Variants in PDZD2 observed in about 807,000 individuals in gnomAD.
The protein encoded by PDZD2 is PDZ domain containing 2.
PDZD2 carries 90 observed loss-of-function variants against 220.7 expected under a neutral mutation model. The ratio of observed to expected loss-of-function variants is 0.41; its 90% CI spans 0.34 to 0.49. PDZD2 has a LOEUF of 0.49. Ranked by LOEUF, PDZD2 falls within the 20% of genes least tolerant of loss-of-function variation. PDZD2 has a pLI of 0.28. For synonymous variants in PDZD2, 1,375 were observed against 1,450.5 expected, an observed-to-expected ratio of 0.95 and a Z score of 1.18; for missense variants, 3,174 against 3,608.5, an observed-to-expected ratio of 0.88 and a Z score of 3.08.
chr5:32,028,900 C>T (rs1754907840), intron 6 of PDZD2, among the ~76,000 whole-genome samples: 1 of 152,104 alleles, frequency 6.6e-6, no homozygotes, highest in South Asian at 2.1e-4. Flanking sequence ...CCAGGCTGGT[C>T]TGGAACTCCT....
At chr5:32,084,944 T>C (rs1272337694) in intron 19 of PDZD2, among the ~76,000 whole-genome samples, 5 of 145,676 alleles carry the variant, frequency 3.4e-5, no homozygotes, top group Non-Finnish European at 6.0e-5. Flanking sequence ...TTTCATTCTG[T>C]TGCCTTTTTT....
chr5:31,807,400 T>G (rs1359237117), intron 2 of PDZD2, among the ~76,000 whole-genome samples: 1 of 152,180 alleles, frequency 6.6e-6, no homozygotes, highest in Non-Finnish European at 1.5e-5. Flanking sequence ...GTTGAGTGGA[T>G]GACAGATGAT....
intron 4 of PDZD2, 41 bp downstream of exon 4, chr5:31,995,759 C>G: frequency 6.5e-7 from 1 of 1,537,682 alleles, no homozygotes; most frequent in Non-Finnish European, 8.9e-7. Flanking sequence ...CCCTCTGCCT[C>G]CTCTCCTTCC....
At chr5:31,968,584 C>T (rs992828019) in intron 2 of PDZD2, among the ~76,000 whole-genome samples, 2 of 151,516 alleles carry the variant, frequency 1.3e-5, no homozygotes, top group African/African-American at 2.4e-5. Flanking sequence ...ACCCAGGAGG[C>T]GGGGAGGTTG....
chr5:32,100,687 G>A lies in PDZD2; in HGVS notation c.8219-418G>A, dbSNP rs908374625. 46 of 379,200 alleles carry A rather than the reference G, an allele frequency of 1.2e-4. 1 individual carries two copies. In the East Asian group the frequency reaches 3.1e-3, roughly 26 times the overall value. 23.5% of individuals were successfully genotyped at this position (379,200 alleles called of 1,614,324 possible). A position where few individuals can be genotyped will look rare whatever the true frequency, so the allele number is the denominator to read the frequency against. ...GTGCTGCCAAGTCTTGGTACCAGAG[G>A]ATGATCTGCTGCTGCCATTAGCAGC... is the stretch of plus-strand genomic sequence containing the variant. On this transcript the variant is annotated intron_variant, in intron 23 of 24. Coordinates refer to ENST00000438447, the MANE Select transcript of PDZD2 (RefSeq NM_178140.4).
At position 32,087,015 on chromosome 5, in the gene PDZD2, G is replaced by C; in HGVS notation, c.3683-116G>C. The C allele has an allele frequency of 1.5e-6, 1 of 667,294 alleles. No homozygotes were observed. The highest frequency in any genetic ancestry group is 2.6e-5 in the East Asian group (1 of 38,106). 41.3% of individuals were successfully genotyped at this position (667,294 alleles called of 1,614,324 possible). ...TCTGAAAAAGAAAAAAATATTTGAG[G>C]TTGTTTATAATTTTCTAGTTTTTAA... On this transcript the variant is annotated intron_variant, in intron 19 of 24. Coordinates refer to ENST00000438447, the MANE Select transcript of PDZD2 (RefSeq NM_178140.4). The surrounding 1 kb of genome is among the most constrained non-coding windows in gnomAD (Gnocchi z 4.0).
At chr5:31,896,140 C>G (rs1413229552) in intron 2 of PDZD2, among the ~76,000 whole-genome samples, 1 of 152,062 alleles carries the variant, frequency 6.6e-6, no homozygotes, top group Non-Finnish European at 1.5e-5. Context: ...GTGACCCTCT[C>G]TGACACCTCC....
intron 2 of PDZD2, among the ~76,000 whole-genome samples, chr5:31,938,578 C>T (rs1713580640): frequency 6.6e-6 from 1 of 151,830 alleles, no homozygotes; most frequent in South Asian, 2.1e-4. Flanking sequence ...GTAATTCACA[C>T]AAGTCATTCA....
rs1743964195 is a variant in PDZD2 at position 32,098,656 on chromosome 5, C to A, written c.8218+22C>A. On this transcript the variant is annotated intron_variant, in intron 23 of 24. Transcript: ENST00000438447. This position sits in a 1 kb window ranked among gnomAD's most constrained non-coding sequence, Gnocchi z 4.1. ...ATTGGTAAGATGATCATTTCAACAA[C>A]CAGCAGGCTGTGAGCTACTGCAGAA... 1 of 1,600,968 alleles carries A rather than the reference C, an allele frequency of 6.2e-7. No homozygotes were observed. The highest frequency in any genetic ancestry group is 1.3e-5 in the African/African-American group (1 of 74,696).
intron 21 of PDZD2, among the ~76,000 whole-genome samples, chr5:32,096,747 T>G (rs1033007683): frequency 6.6e-6 from 1 of 152,122 alleles, no homozygotes; most frequent in African/African-American, 2.4e-5. Flanking sequence ...TTTCTGCTGT[T>G]GCTAGGACTG....
chr5:32,047,773 A>G (rs190155167), intron 7 of PDZD2, among the ~76,000 whole-genome samples: 48 of 152,360 alleles, frequency 3.2e-4, no homozygotes, highest in Admixed American at 2.6e-3. Flanking sequence ...GTGTTTAGAC[A>G]ACGGAATAGC....
chr5:31,644,537 T>G lies in PDZD2; in HGVS notation c.-361+5100T>G, dbSNP rs115000548. Among the ~76,000 whole-genome samples the G allele has an allele frequency of 2.1e-3, 326 of 152,304 alleles. 2 individuals are homozygous for G. The highest frequency in any genetic ancestry group is 7.5e-3 in the African/African-American group (312 of 41,566). ...GGCGGCTGAGCCGAGAGATGGTTTG[T>G]TAAGACACTAAGCATGCGGAGAAGA... On this transcript the variant is annotated intron_variant, in intron 1 of 24. Coordinates refer to ENST00000438447, the MANE Select transcript of PDZD2 (RefSeq NM_178140.4).
At chr5:31,794,393 CTTTTTTTTT>C (rs34331530) in intron 1 of PDZD2, among the ~76,000 whole-genome samples, 1 of 105,288 alleles carries the variant, frequency 9.5e-6, no homozygotes. Context: ...TTCTTTCTTT[CTTTTTTTTT>C]TTTTTTTTTT....
intron 2 of PDZD2, among the ~76,000 whole-genome samples, chr5:31,897,720 G>T (rs1741696825): frequency 6.8e-6 from 1 of 146,240 alleles, no homozygotes; most frequent in Admixed American, 7.1e-5. Flanking sequence ...ATGATATAAG[G>T]TCTCATTTTG....
rs1037018187 is a variant in PDZD2, at chr5:31,880,791, CTTTTTTTTTTTTT to C, written c.476+81082_476+81094del. 1.2e-4 allele frequency among the ~76,000 whole-genome samples: 9 copies of C among 76,470 alleles called. No homozygotes were observed. In the East Asian group the frequency reaches 1.4e-3, roughly 12 times the overall value. 50.2% of individuals were successfully genotyped at this position (76,470 alleles called of 152,430 possible). A position where few individuals can be genotyped will look rare whatever the true frequency, so the allele number is the denominator to read the frequency against. ...AGAAAGGTAGCTTTCTTTTTTTTTTCTTTTTTTTTTTTTTTTTTTTTTTTTTTGAGATGAAGTC... is the reference window on the plus strand; with the variant it reads ...AGAAAGGTAGCTTTCTTTTTTTTTTCTTTTTTTTTTTTTTGAGATGAAGTC... On this transcript the variant is annotated intron_variant, in intron 2 of 24. Transcript: ENST00000438447.
At chr5:31,986,245 A>T (rs543587706) in intron 3 of PDZD2, among the ~76,000 whole-genome samples, 80 of 152,206 alleles carry the variant, frequency 5.3e-4, no homozygotes, top group African/African-American at 1.9e-3. Context: ...CATTTTTTTT[A>T]AAAAGCCGCA....
In PDZD2 at chr5:31,953,389, G is replaced by A. The variant is rs543454447; in HGVS notation, c.477-29766G>A. Among the ~76,000 whole-genome samples, 3 of 152,286 alleles carry A rather than the reference G, an allele frequency of 2.0e-5. No homozygotes were observed. The South Asian group carries it at 6.2e-4, about 32-fold the overall frequency. ...ATAAAAATAGCTAAACATAAAATCT[G>A]TGAAAATATTAGAAGAAAATAGGAT... On this transcript the variant is annotated intron_variant, in intron 2 of 24. Coordinates refer to ENST00000438447, the MANE Select transcript of PDZD2 (RefSeq NM_178140.4).
At position 32,057,743 on chromosome 5, in the gene PDZD2, A is replaced by T. The variant is rs780923740; in HGVS notation, c.1974+15A>T. ...ATACCTTTAAGGTAACAACATTCTTATTGATCTCCTTTATCCTATTTTCCT... is the reference window on the plus strand; with the variant it reads ...ATACCTTTAAGGTAACAACATTCTTTTTGATCTCCTTTATCCTATTTTCCT... On this transcript the variant is annotated intron_variant, in intron 11 of 24. Transcript: ENST00000438447. 2.4e-5 allele frequency: 36 copies of T among 1,518,706 alleles called. No homozygotes were observed. The highest frequency in any genetic ancestry group is 1.7e-4 in the Middle Eastern group (1 of 5,882). The allele number at this position is 1,518,706 out of a possible 1,614,324, so 94.1% of individuals were successfully genotyped here. A position where few individuals can be genotyped will look rare whatever the true frequency, so the allele number is the denominator to read the frequency against.
chr5:31,671,741 G>A (rs983419422), intron 1 of PDZD2, among the ~76,000 whole-genome samples: 8 of 152,208 alleles, frequency 5.3e-5, no homozygotes, highest in Admixed American at 3.9e-4. Context: ...CGAGAAACCA[G>A]AAAGCCTGCA....
Sources: allele counts gnomAD v4.1 joint callset (sites outside exome capture counted in the v4.1 genomes callset), GRCh38; gene constraint gnomAD v4.1.1; non-coding constraint Gnocchi (gnomAD v3.1); transcripts MANE v1.5; gene names NCBI Gene and HGNC (gene_info 2026-07-23, HGNC 2026-07-21).